Variants in PPP2R5A observed in about 807,000 individuals in gnomAD.
PPP2R5A encodes protein phosphatase 2 regulatory subunit B'alpha.
A neutral mutation model predicts 64.2 loss-of-function variants in PPP2R5A; 25 were observed. That is an observed-to-expected ratio of 0.39 (90% CI 0.28 to 0.54). PPP2R5A has a LOEUF of 0.54. Among genes scored for constraint, PPP2R5A ranks in the 20% least tolerant of loss-of-function variants. The probability of loss-of-function intolerance (pLI) is 0.67; values close to 1 mark genes in which losing one functional copy is unlikely to be tolerated. For synonymous variants in PPP2R5A, 198 were observed against 201.2 expected, an observed-to-expected ratio of 0.98 and a Z score of 0.13; for missense variants, 425 against 576.3, an observed-to-expected ratio of 0.74 and a Z score of 2.69.
At chr1:212,290,938 C>T (rs1411299794) in intron 1 of PPP2R5A, among the ~76,000 whole-genome samples, 3 of 152,082 alleles carry the variant, frequency 2.0e-5, no homozygotes. Flanking sequence ...GTTATTGCTG[C>T]CTTGGATTTC....
chr1:212,317,651 C>A (rs1659183097), intron 1 of PPP2R5A, among the ~76,000 whole-genome samples: 1 of 151,998 alleles, frequency 6.6e-6, no homozygotes, highest in African/African-American at 2.4e-5. Context: ...TGGCGTGCAA[C>A]CTACACTTTG....
intron 1 of PPP2R5A, among the ~76,000 whole-genome samples, chr1:212,327,323 G>A (rs1213540264): frequency 6.6e-6 from 1 of 152,146 alleles, no homozygotes; most frequent in African/African-American, 2.4e-5. Context: ...AAGTTTTATG[G>A]TTTTGAAGGT....
chr1:212,303,147 G>A (rs1419163652), intron 1 of PPP2R5A, among the ~76,000 whole-genome samples: 2 of 152,170 alleles, frequency 1.3e-5, no homozygotes, highest in African/African-American at 4.8e-5. Context: ...TCTGGGCTTA[G>A]TCACTTGATA....
At chr1:212,317,191 C>T (rs1659171541) in intron 1 of PPP2R5A, among the ~76,000 whole-genome samples, 1 of 152,106 alleles carries the variant, frequency 6.6e-6, no homozygotes, top group Non-Finnish European at 1.5e-5. Flanking sequence ...AGTCTCTTGC[C>T]TATGGGCCTA....
At chr1:212,291,118 T>A (rs534806069) in intron 1 of PPP2R5A, among the ~76,000 whole-genome samples, 8 of 151,506 alleles carry the variant, frequency 5.3e-5, no homozygotes, top group East Asian at 1.9e-4. Context: ...TATTTTATTT[T>A]ATTTTTTTTC....
Position 212,324,085 on chromosome 1 carries a change from AT to A in PPP2R5A, c.182-5049del, listed in dbSNP as rs1405685923. 2.7e-3 allele frequency among the ~76,000 whole-genome samples: 410 copies of A among 152,196 alleles called. 4 individuals are homozygous for A. Among genetic ancestry groups the A allele is most frequent in the African/African-American group, 9.5e-3 (393 of 41,518 alleles). Reference sequence around the variant, plus strand: ...AGACTCCATCTCAAAAAAAAAAAAAATGTGTAACATGTTCTTAAACCTACTA... The same window carrying A: ...AGACTCCATCTCAAAAAAAAAAAAAAGTGTAACATGTTCTTAAACCTACTA... On this transcript the variant is annotated intron_variant, in intron 1 of 12. Coordinates refer to ENST00000261461, the MANE Select transcript of PPP2R5A (RefSeq NM_006243.4).
intron 1 of PPP2R5A, among the ~76,000 whole-genome samples, chr1:212,286,728 T>A (rs1224274079): frequency 6.6e-6 from 1 of 152,092 alleles, no homozygotes; most frequent in African/African-American, 2.4e-5. Context: ...GTCCTTTACT[T>A]TTACAGTTAT....
Position 212,360,901 on chromosome 1 carries a change from G to GA in PPP2R5A, c.*136dup, listed in dbSNP as rs1660069339. ...CAATTTTTTCTGGCAACTGTAAATG[G>GA]AAAAATATATGGACTAAACGTAGCC... On this transcript the variant is annotated 3_prime_UTR_variant, in exon 13 of 13. Coordinates refer to ENST00000261461, the MANE Select transcript of PPP2R5A (RefSeq NM_006243.4). The GA allele has an allele frequency of 1.2e-6, 1 of 823,544 alleles. No individual in the cohort carries two copies. The highest frequency in any genetic ancestry group is 4.0e-5 in the Admixed American group (1 of 25,310). 51.0% of individuals were successfully genotyped at this position (823,544 alleles called of 1,614,324 possible).
intron 1 of PPP2R5A, among the ~76,000 whole-genome samples, chr1:212,321,249 C>T (rs1659282710): frequency 1.4e-5 from 2 of 146,138 alleles, no homozygotes; most frequent in Admixed American, 6.7e-5. Flanking sequence ...GGGCTCCTCA[C>T]TTCCCAGTAG....
intron 1 of PPP2R5A, among the ~76,000 whole-genome samples, chr1:212,300,887 A>G (rs578137928): frequency 6.6e-6 from 1 of 152,074 alleles, no homozygotes; most frequent in East Asian, 1.9e-4. Context: ...AAATATATAT[A>G]ATATTTTATA....
At chr1:212,315,310 A>G (rs1478839925) in intron 1 of PPP2R5A, among the ~76,000 whole-genome samples, 1 of 152,232 alleles carries the variant, frequency 6.6e-6, no homozygotes, top group Non-Finnish European at 1.5e-5. Flanking sequence ...AAAATTCATC[A>G]TGAACACTAT....
rs902404886 is a variant in PPP2R5A at position 212,326,367 on chromosome 1, G to A, written c.182-2768G>A. Among the ~76,000 whole-genome samples, 4 of 152,084 alleles carry A rather than the reference G, an allele frequency of 2.6e-5. No homozygotes were observed. The South Asian group carries it at 6.2e-4, about 24-fold the overall frequency. On this transcript the variant is annotated intron_variant, in intron 1 of 12. Transcript: ENST00000261461. ...CCAGCACTTTGGGAGGCCGAGGCAG[G>A]CGGATCATTTGAGGTCAGGAGTTTG...
chr1:212,297,196 A>C (rs1427436723), intron 1 of PPP2R5A, among the ~76,000 whole-genome samples: 1 of 128,264 alleles, frequency 7.8e-6, no homozygotes, highest in East Asian at 2.4e-4. Flanking sequence ...GTCTCTGCTC[A>C]CTGCAACCTC....
At chr1:212,327,553 T>TC (rs1279453199) in intron 1 of PPP2R5A, among the ~76,000 whole-genome samples, 2 of 152,074 alleles carry the variant, frequency 1.3e-5, no homozygotes, top group Non-Finnish European at 1.5e-5. Context: ...TAGCTGGGAT[T>TC]ACAGGCGCCC....
At chr1:212,356,848 G>A in intron 9 of PPP2R5A, 102 bp from the exon 10 acceptor site, 1 of 1,279,036 alleles carries the variant, frequency 7.8e-7, no homozygotes, top group South Asian at 1.6e-5. Flanking sequence ...ACATTTTTTT[G>A]CTTATTGTAT....
At position 212,352,093 on chromosome 1, in the gene PPP2R5A, G is replaced by A. The variant is rs188036726; in HGVS notation, c.927+2851G>A. On this transcript the variant is annotated intron_variant, in intron 8 of 12. Coordinates refer to ENST00000261461, the MANE Select transcript of PPP2R5A (RefSeq NM_006243.4). ...GGAGTGCAGTCAGTGGCACCATCTC[G>A]GCTCACTGCAACCTCCACCTCCTGG... 3.9e-3 allele frequency among the ~76,000 whole-genome samples: 582 copies of A among 150,948 alleles called. 5 individuals are homozygous for A. The highest frequency in any genetic ancestry group is 0.013 in the African/African-American group (542 of 41,130).
intron 1 of PPP2R5A, among the ~76,000 whole-genome samples, chr1:212,321,690 C>T (rs1659298216): frequency 6.8e-6 from 1 of 147,318 alleles, no homozygotes; most frequent in Non-Finnish European, 1.5e-5. Flanking sequence ...CAGAGACACT[C>T]CTCACTTTCC....
At chr1:212,308,774 TTTTC>T (rs2102418599) in intron 1 of PPP2R5A, among the ~76,000 whole-genome samples, 1 of 152,290 alleles carries the variant, frequency 6.6e-6, no homozygotes, top group African/African-American at 2.4e-5. Flanking sequence ...CTTCATTCTT[TTTTC>T]TTTCTGTTCT....
chr1:212,339,019 A>G (rs1659639333), intron 3 of PPP2R5A, among the ~76,000 whole-genome samples: 1 of 152,220 alleles, frequency 6.6e-6, no homozygotes, highest in Admixed American at 6.5e-5. Context: ...ACGGTGTGAT[A>G]CATTTTTTAA....
Sources: gnomAD v4.1 joint callset for allele counts (sites outside exome capture counted in the v4.1 genomes callset) on GRCh38, gnomAD v4.1.1 for gene constraint, MANE v1.5 for transcripts, NCBI Gene and HGNC (gene_info 2026-07-23, HGNC 2026-07-21) for gene names.